The following EFCAB5 variants were observed in gnomAD, a reference collection of about 807,000 sequenced individuals.
The protein encoded by EFCAB5 is EF-hand calcium-binding domain-containing protein 5.
A neutral mutation model predicts 167.9 loss-of-function variants in EFCAB5; 131 were observed. The ratio of observed to expected loss-of-function variants is 0.78; its 90% CI spans 0.68 to 0.90. EFCAB5 has a LOEUF of 0.90. EFCAB5 is among the 40% of genes least tolerant of loss of function. The pLI, the probability that EFCAB5 is intolerant of heterozygous loss-of-function variation, is 0.00. For synonymous variants in EFCAB5, 574 were observed against 602.8 expected, an observed-to-expected ratio of 0.95 and a Z score of 0.70; for missense variants, 1,663 against 1,745.2, an observed-to-expected ratio of 0.95 and a Z score of 0.84.
At chr17:29,962,782 G>T (rs187012297) in intron 3 of EFCAB5, among the ~76,000 whole-genome samples, 12 of 151,834 alleles carry the variant, frequency 7.9e-5, no homozygotes, top group African/African-American at 2.9e-4. Context: ...TTTCCAATTT[G>T]GATGCCTTTT....
intron 4 of EFCAB5, 57 bp from the exon 5 acceptor site, chr17:29,993,108 T>C (rs1462134969): frequency 6.8e-7 from 1 of 1,461,298 alleles, no homozygotes; most frequent in Non-Finnish European, 9.1e-7. Context: ...TGTGTTCCAA[T>C]CTGGACCAAA....
intron 16 of EFCAB5, 83 bp from the exon 17 acceptor site, chr17:30,080,670 A>C: frequency 6.8e-6 from 7 of 1,022,332 alleles, no homozygotes; most frequent in Non-Finnish European, 1.0e-5. Flanking sequence ...GATTGTGAAT[A>C]GAGAATCGCT....
chr17:29,930,647 G>A (rs2067178911), intron 1 of EFCAB5, among the ~76,000 whole-genome samples: 2 of 151,986 alleles, frequency 1.3e-5, no homozygotes, highest in South Asian at 4.2e-4. Context: ...GACAGAACTG[G>A]GCTAGACCAG....
At position 30,056,149 on chromosome 17, in the gene EFCAB5, G is replaced by T. The variant is rs758175744; in HGVS notation, c.2358G>T (p.Arg786Ser). ...EQANLIYGNS[R>S]FTDLHSIIRN... The stretch of plus-strand genomic sequence containing the variant: ...CAAACTTAATCTATGGTAACTCCAG[G>T]TTCACAGGTACATGTTAACAATGAA... The change falls in exon 12 of 23, where the codon AGG becomes AGT. Residue 786 changes from arginine to serine, a missense_variant. Transcript: ENST00000394835. 1.2e-6 allele frequency: 2 copies of T among 1,608,208 alleles called. No individual in the cohort carries two copies. The highest frequency in any genetic ancestry group is 1.7e-6 in the Non-Finnish European group (2 of 1,176,858).
intron 21 of EFCAB5, among the ~76,000 whole-genome samples, chr17:30,092,637 C>T (rs2151850117): frequency 6.6e-6 from 1 of 152,312 alleles, no homozygotes; most frequent in South Asian, 2.1e-4. Flanking sequence ...GGTCCTCCCA[C>T]CTGGGCTTCT....
At chr17:30,001,167 T>C (rs2068654405) in intron 7 of EFCAB5, among the ~76,000 whole-genome samples, 1 of 152,196 alleles carries the variant, frequency 6.6e-6, no homozygotes, top group African/African-American at 2.4e-5. Context: ...TGGTGTGGCA[T>C]GCTTTCTTCA....
chr17:30,080,318 C>G (rs2070959734), intron 16 of EFCAB5, 77 bp downstream of exon 16: 1 of 1,431,456 alleles, frequency 7.0e-7, no homozygotes, highest in Non-Finnish European at 9.3e-7. Flanking sequence ...GCATCAAGAT[C>G]CCAGCTAGCT....
At chr17:30,100,249 G>A (rs899110106) in intron 22 of EFCAB5, among the ~76,000 whole-genome samples, 3 of 152,038 alleles carry the variant, frequency 2.0e-5, no homozygotes, top group African/African-American at 7.3e-5. Flanking sequence ...AGGTTCCTAG[G>A]GTACAGTAGT....
intron 3 of EFCAB5, among the ~76,000 whole-genome samples, chr17:29,951,016 G>A (rs2067497868): frequency 6.6e-6 from 1 of 152,084 alleles, no homozygotes; most frequent in South Asian, 2.1e-4. Flanking sequence ...AAAACAGAAG[G>A]GAAACACACC....
chr17:30,085,459 G>T (rs752973386), intron 18 of EFCAB5, among the ~76,000 whole-genome samples: 5 of 152,186 alleles, frequency 3.3e-5, no homozygotes, highest in Non-Finnish European at 5.9e-5. Flanking sequence ...CATGGCTCAC[G>T]CCTGTAATCC....
At chr17:30,063,285 A>G (rs2070474638) in intron 14 of EFCAB5, among the ~76,000 whole-genome samples, 1 of 152,192 alleles carries the variant, frequency 6.6e-6, no homozygotes, top group African/African-American at 2.4e-5. Flanking sequence ...ACCTGGTCTT[A>G]TAGTGTCTTG....
intron 5 of EFCAB5, 64 bp from the exon 6 acceptor site, chr17:29,996,248 C>A: frequency 1.5e-6 from 2 of 1,356,502 alleles, no homozygotes; most frequent in South Asian, 2.6e-5. Flanking sequence ...TCTAAAATAA[C>A]AAATATGTGG....
chr17:29,967,741 G>A (rs964755882), intron 3 of EFCAB5, among the ~76,000 whole-genome samples: 1 of 152,088 alleles, frequency 6.6e-6, no homozygotes, highest in Admixed American at 6.6e-5. Flanking sequence ...ATAGGTGCCT[G>A]TTCTCAGTCT....
intron 22 of EFCAB5, among the ~76,000 whole-genome samples, chr17:30,104,986 CTG>C: frequency 6.6e-6 from 1 of 152,082 alleles, no homozygotes; most frequent in Non-Finnish European, 1.5e-5. Flanking sequence ...GATAAGAACA[CTG>C]TGGCAGGGGT....
At chr17:29,974,658 C>G (rs547761545) in intron 4 of EFCAB5, among the ~76,000 whole-genome samples, 1 of 152,032 alleles carries the variant, frequency 6.6e-6, no homozygotes, top group South Asian at 2.1e-4. Flanking sequence ...TCCTTTTTAA[C>G]CATGACTCAA....
In EFCAB5 at chr17:30,045,437, G is replaced by A. The variant is rs184898509; in HGVS notation, c.1201-5681G>A. Among the ~76,000 whole-genome samples the A allele has an allele frequency of 5.9e-3, 811 of 137,226 alleles. 2 individuals carry two copies. Among genetic ancestry groups the A allele is most frequent in the East Asian group, 0.028 (131 of 4,698 alleles). The allele number at this position is 137,226 out of a possible 152,430, so 90.0% of individuals were successfully genotyped here. A position where few individuals can be genotyped will look rare whatever the true frequency, so the allele number is the denominator to read the frequency against. ...CGTGCCACTAAACTCCAGCCTGGGCGACAGAGCTAGGCTCTGTCTCCAAAA... is the reference window on the plus strand; with the variant it reads ...CGTGCCACTAAACTCCAGCCTGGGCAACAGAGCTAGGCTCTGTCTCCAAAA... On this transcript the variant is annotated intron_variant, in intron 8 of 22. Coordinates refer to ENST00000394835, the MANE Select transcript of EFCAB5 (RefSeq NM_198529.4).
intron 22 of EFCAB5, among the ~76,000 whole-genome samples, chr17:30,096,677 A>ATATATATATATATATATTT (rs1193558323): frequency 1.7e-5 from 1 of 60,122 alleles, no homozygotes; most frequent in African/African-American, 8.4e-5. Context: ...ATATATATAT[A>ATATATATATATATATATTT]TTTTTTTTTT....
rs763282255 is a variant in EFCAB5, at chr17:30,054,025, G to A, written c.2071G>A (p.Glu691Lys). The change falls in exon 10 of 23, where the codon GAG becomes AAG. Residue 691 changes from glutamate to lysine, a missense_variant. Physicochemically the swap from Glu to Lys is moderately conservative, Grantham distance 56. Coordinates refer to ENST00000394835, the MANE Select transcript of EFCAB5 (RefSeq NM_198529.4). ...AAAATATGGGGAACCTATAACCTCT[G>A]AGTACATTGAAGTCCCTCTACAGGA... ...STKYGEPITS[E>K]YIEVPLQEKR... 4 of 1,607,730 alleles carry A rather than the reference G, an allele frequency of 2.5e-6. No individual in the cohort carries two copies. Among genetic ancestry groups the A allele is most frequent in the Non-Finnish European group, 3.4e-6 (4 of 1,176,474 alleles).
intron 7 of EFCAB5, among the ~76,000 whole-genome samples, chr17:30,032,802 A>T (rs762124424): frequency 2.4e-4 from 37 of 152,020 alleles, no homozygotes; most frequent in Non-Finnish European, 4.9e-4. Flanking sequence ...CTGCTAACCT[A>T]TCTTATGTCA....
Sources: gnomAD v4.1 joint callset for allele counts (sites outside exome capture counted in the v4.1 genomes callset) on GRCh38, gnomAD v4.1.1 for gene constraint, MANE v1.5 for transcripts, NCBI Gene and HGNC (gene_info 2026-07-23, HGNC 2026-07-21) for gene names.